Variants in UBE2K observed in about 807,000 individuals in gnomAD.
UBE2K encodes the protein ubiquitin conjugating enzyme E2 K.
A neutral mutation model predicts 30.0 loss-of-function variants in UBE2K; 6 were observed. The observed-to-expected ratio is 0.20, with a 90% confidence interval of 0.11 to 0.39. The LOEUF (loss-of-function observed/expected upper bound fraction) is 0.39. Ranked by LOEUF, UBE2K falls within the 10% of genes least tolerant of loss-of-function variation. UBE2K has a pLI of 1.00. For missense variants in UBE2K, 61 were observed against 241.6 expected, an observed-to-expected ratio of 0.25 and a Z score of 4.96; for synonymous variants, 86 against 83.7, an observed-to-expected ratio of 1.03 and a Z score of -0.15.
chr4:39,774,756 T>A lies in UBE2K; in HGVS notation c.300-78T>A, dbSNP rs183562294. 1,601 of 804,540 alleles carry A rather than the reference T, an allele frequency of 2.0e-3. 4 individuals are homozygous for A. The highest frequency in any genetic ancestry group is 2.3e-3 in the Non-Finnish European group (1,291 of 571,544). The allele number at this position is 804,540 out of a possible 1,614,324, so 49.8% of individuals were successfully genotyped here. ...AGTAACTTTTAGCTCTACAATTTTTTAATTTTTATTAAGAAAATACTTTGC... is the reference window on the plus strand; with the variant it reads ...AGTAACTTTTAGCTCTACAATTTTTAAATTTTTATTAAGAAAATACTTTGC... On this transcript the variant is annotated intron_variant, in intron 4 of 6. Coordinates refer to ENST00000261427, the MANE Select transcript of UBE2K (RefSeq NM_005339.5).
chr4:39,759,285 AT>A lies in UBE2K; in HGVS notation c.299+3555del, dbSNP rs1001380896. On this transcript the variant is annotated intron_variant, in intron 4 of 6. Transcript: ENST00000261427. ...TTTAGTATATTTGTTTATTATTATTATTTTTTTTTGAGGCAAAGTCTCGCTC... is the reference window on the plus strand; with the variant it reads ...TTTAGTATATTTGTTTATTATTATTATTTTTTTTGAGGCAAAGTCTCGCTC... Among the ~76,000 whole-genome samples, 8 of 150,264 alleles carry A rather than the reference AT, an allele frequency of 5.3e-5. No homozygotes were observed. In the South Asian group the frequency reaches 6.3e-4, roughly 12 times the overall value.
chr4:39,711,163 CTTTTTTT>C (rs34401637), intron 1 of UBE2K, among the ~76,000 whole-genome samples: 1 of 122,140 alleles, frequency 8.2e-6, no homozygotes, highest in African/African-American at 3.1e-5. Context: ...AACTTTTTCT[CTTTTTTT>C]TTTTTTTTTT....
chr4:39,763,339 C>T (rs977741842), intron 4 of UBE2K, among the ~76,000 whole-genome samples: 2 of 151,608 alleles, frequency 1.3e-5, no homozygotes, highest in Non-Finnish European at 2.9e-5. Context: ...GCAACCTCCA[C>T]CTCCCGGGTG....
chr4:39,740,333 T>A (rs967071541), intron 2 of UBE2K, among the ~76,000 whole-genome samples: 11 of 152,214 alleles, frequency 7.2e-5, no homozygotes, highest in African/African-American at 2.4e-4. Context: ...ATAGGTAGAT[T>A]AATTTTTTTA....
rs1429896320 is a variant in UBE2K at position 39,743,598 on chromosome 4, C to T, written c.158-2154C>T. On this transcript the variant is annotated intron_variant, in intron 2 of 6. Transcript: ENST00000261427. Reference sequence around the variant, plus strand: ...CAGCCTGGGCGACAGAGCGAGACTCCGTCTCAAAAAAAAAAAAAAAGAATA... The same window carrying T: ...CAGCCTGGGCGACAGAGCGAGACTCTGTCTCAAAAAAAAAAAAAAAGAATA... Among the ~76,000 whole-genome samples, 6 of 138,098 alleles carry T rather than the reference C, an allele frequency of 4.3e-5. No homozygotes were observed. In the East Asian group the frequency reaches 6.3e-4, roughly 15 times the overall value. The allele number at this position is 138,098 out of a possible 152,430, so 90.6% of individuals were successfully genotyped here.
chr4:39,721,662 T>C (rs1347211932), intron 1 of UBE2K, among the ~76,000 whole-genome samples: 1 of 152,200 alleles, frequency 6.6e-6, no homozygotes, highest in Non-Finnish European at 1.5e-5. Flanking sequence ...CAGTCAACTT[T>C]TAACTTTTTA....
intron 1 of UBE2K, among the ~76,000 whole-genome samples, chr4:39,705,537 A>G (rs903425994): frequency 6.6e-6 from 1 of 151,930 alleles, no homozygotes; most frequent in African/African-American, 2.4e-5. Flanking sequence ...TACATTATTG[A>G]CAGTTATTGA....
chr4:39,731,198 G>A (rs994604196), intron 1 of UBE2K, among the ~76,000 whole-genome samples: 3 of 150,174 alleles, frequency 2.0e-5, no homozygotes, highest in Non-Finnish European at 4.4e-5. Flanking sequence ...CGGCCATCTT[G>A]TACTCTTTTC....
chr4:39,717,471 C>T (rs536987297), intron 1 of UBE2K, among the ~76,000 whole-genome samples: 31 of 152,180 alleles, frequency 2.0e-4, no homozygotes, highest in East Asian at 3.9e-4. Flanking sequence ...CCTTGTGATC[C>T]GCCCACCTCA....
At chr4:39,765,938 T>TACATACATACATACATACAC (rs1258930076) in intron 4 of UBE2K, among the ~76,000 whole-genome samples, 15 of 149,498 alleles carry the variant, frequency 1.0e-4, no homozygotes, top group African/African-American at 3.2e-4. Flanking sequence ...CATACATACA[T>TACATACATACATACATACAC]ACACACACAC....
At chr4:39,776,999 T>G (rs1157193312) in intron 5 of UBE2K, among the ~76,000 whole-genome samples, 1 of 152,192 alleles carries the variant, frequency 6.6e-6, no homozygotes, top group African/African-American at 2.4e-5. Flanking sequence ...ATATATAAAT[T>G]ACTTTTAAAA....
chr4:39,705,050 T>G (rs71606183), intron 1 of UBE2K, among the ~76,000 whole-genome samples: 110 of 148,158 alleles, frequency 7.4e-4, no homozygotes, highest in Non-Finnish European at 1.3e-3. Context: ...TTTTTTTTTG[T>G]TTTTTTTTGT....
chr4:39,719,574 A>T (rs930346940), intron 1 of UBE2K, among the ~76,000 whole-genome samples: 3 of 152,154 alleles, frequency 2.0e-5, no homozygotes, highest in Non-Finnish European at 4.4e-5. Flanking sequence ...CAAATGTGTG[A>T]TTATGGATTT....
chr4:39,775,303 T>C (rs1160299286), intron 5 of UBE2K, among the ~76,000 whole-genome samples: 1 of 152,228 alleles, frequency 6.6e-6, no homozygotes, highest in Non-Finnish European at 1.5e-5. Flanking sequence ...TCACCTCCTA[T>C]CATGGGACTT....
At chr4:39,770,156 C>T in intron 4 of UBE2K, 2 of 1,605,150 alleles carry the variant, frequency 1.2e-6, no homozygotes, top group Middle Eastern at 2.1e-4. Context: ...CGTGTTGCTC[C>T]TTGAGATGCC....
chr4:39,706,156 C>T (rs968941098), intron 1 of UBE2K, among the ~76,000 whole-genome samples: 1 of 152,108 alleles, frequency 6.6e-6, no homozygotes, highest in Admixed American at 6.6e-5. Flanking sequence ...GGACTACAGG[C>T]GTCCACGACC....
At chr4:39,767,603 A>G (rs1017209340) in intron 4 of UBE2K, among the ~76,000 whole-genome samples, 4 of 152,080 alleles carry the variant, frequency 2.6e-5, no homozygotes, top group Non-Finnish European at 5.9e-5. Context: ...GATTACAGGC[A>G]TGAGCCACTG....
rs77791908 is a variant in UBE2K, at chr4:39,749,822, T to C, written c.216+4012T>C. Among the ~76,000 whole-genome samples, 809 of 152,342 alleles carry C rather than the reference T, an allele frequency of 5.3e-3. 10 individuals carry two copies. Among genetic ancestry groups the C allele is most frequent in the African/African-American group, 0.018 (749 of 41,576 alleles). ...CTCATCTGTACATGCATATTCAAAA[T>C]AGCATTTTCTTTTGTATGATAAGGG... is the stretch of plus-strand genomic sequence containing the variant. On this transcript the variant is annotated intron_variant, in intron 3 of 6. Transcript: ENST00000261427.
chr4:39,773,207 A>T (rs571852203), intron 4 of UBE2K, among the ~76,000 whole-genome samples: 1 of 150,128 alleles, frequency 6.7e-6, no homozygotes, highest in Non-Finnish European at 1.5e-5. Flanking sequence ...CGGTGGCTCA[A>T]GCCTGTAATC....
Sources: gnomAD v4.1 joint callset for allele counts (sites outside exome capture counted in the v4.1 genomes callset) on GRCh38, gnomAD v4.1.1 for gene constraint, MANE v1.5 for transcripts, NCBI Gene and HGNC (gene_info 2026-07-23, HGNC 2026-07-21) for gene names.